Variants in PRRC2C observed in about 807,000 individuals in gnomAD.
PRRC2C encodes proline rich coiled-coil 2C, also known as protein PRRC2C.
A neutral mutation model predicts 317.2 loss-of-function variants in PRRC2C; 72 were observed. That is an observed-to-expected ratio of 0.23 (90% CI 0.19 to 0.28). The LOEUF (loss-of-function observed/expected upper bound fraction) is 0.28. Ranked by LOEUF, PRRC2C falls within the 10% of genes least tolerant of loss-of-function variation. The pLI, the probability that PRRC2C is intolerant of heterozygous loss-of-function variation, is 1.00. For synonymous variants in PRRC2C, 1,296 were observed against 1,205.9 expected (o/e 1.07, Z -1.55); for missense variants, 3,074 against 3,459.7 (o/e 0.89, Z 2.80).
At chr1:171,523,118 AGAAAAC>A (rs1309698703) in intron 7 of PRRC2C, 97 bp from the exon 8 acceptor site, 32 of 1,090,828 alleles carry the variant, frequency 2.9e-5, no homozygotes, top group Non-Finnish European at 4.0e-5. Flanking sequence ...ATCTTGGTGT[AGAAAAC>A]ACTAATGTTG....
chr1:171,511,692 G>A (rs1266955056), intron 1 of PRRC2C: 3 of 155,958 alleles, frequency 1.9e-5, no homozygotes, highest in East Asian at 3.8e-4. Flanking sequence ...ATAGGTTGAT[G>A]TGTCAGTCAT....
chr1:171,511,850 T>C (rs1671451164), intron 1 of PRRC2C, 182 bp from the exon 2 acceptor site: 4 of 335,812 alleles, frequency 1.2e-5, no homozygotes. Flanking sequence ...ATAACTGATA[T>C]GTTTCACAAG....
At chr1:171,543,651 T>C (rs1678450422) in intron 16 of PRRC2C, among the ~76,000 whole-genome samples, 1 of 152,244 alleles carries the variant, frequency 6.6e-6, no homozygotes, top group Non-Finnish European at 1.5e-5. Context: ...TTGGACTGTA[T>C]GGTATTAATC....
Position 171,557,934 on chromosome 1 carries a change from C to T in PRRC2C, c.5822C>T (p.Pro1941Leu), listed in dbSNP as rs776044354. ...CAGACTCAGGCACAGACCCACAAACCAGTCCAGAATCCACTACAGACTACA... is the reference window on the plus strand; with the variant it reads ...CAGACTCAGGCACAGACCCACAAACTAGTCCAGAATCCACTACAGACTACA... ...PAQTQAQTHKPVQNPLQTTSQ... is the reference protein window; with the variant it reads ...PAQTQAQTHKLVQNPLQTTSQ... The change falls in exon 19 of 35, where the codon CCA becomes CTA. Residue 1941 changes from proline to leucine, a missense_variant. Physicochemically the swap from Pro to Leu is moderately conservative, Grantham distance 98 (BLOSUM62 -3). This residue lies in a region of PRRC2C where 640 missense variants were observed against 676.1 expected (regional missense o/e 0.95). Transcript: ENST00000647382. 1 of 1,592,072 alleles carries T rather than the reference C, an allele frequency of 6.3e-7. No homozygotes were observed. The highest frequency in any genetic ancestry group is 1.1e-5 in the South Asian group (1 of 88,210).
intron 3 of PRRC2C, 85 bp from the exon 4 acceptor site, chr1:171,514,451 T>C: frequency 9.5e-7 from 1 of 1,057,228 alleles, no homozygotes; most frequent in Non-Finnish European, 1.3e-6. Context: ...CCAAAATAAT[T>C]TGTACACAGG....
Position 171,587,196 on chromosome 1 carries a change from A to T in PRRC2C, c.7943A>T (p.His2648Leu). The T allele has an allele frequency of 6.2e-7, 1 of 1,606,122 alleles. No homozygotes were observed. Among genetic ancestry groups the T allele is most frequent in the Non-Finnish European group, 8.5e-7 (1 of 1,176,106 alleles). ...GGATTAATTCCTGCTGGAACACAGC[A>T]TAGCATGATTGCAACCACAGGAAAA... ...FRGLIPAGTQ[H>L]SMIATTGKMS... Residue 2648 changes from histidine (H) to leucine (L), a missense_variant, in exon 31 of 35, where the codon CAT (histidine) becomes CTT (leucine). His to Leu is a moderately conservative substitution (Grantham distance 99). Coordinates refer to ENST00000647382, the MANE Select transcript of PRRC2C (RefSeq NM_001387844.1).
At position 171,489,395 on chromosome 1, in the gene PRRC2C, TC is replaced by T. The variant is rs1282018604; in HGVS notation, c.-58+3663del. Among the ~76,000 whole-genome samples, 5 of 152,226 alleles carry T rather than the reference TC, an allele frequency of 3.3e-5. No individual in the cohort carries two copies. In the East Asian group the frequency reaches 9.6e-4, roughly 29 times the overall value. ...CAGAGCAATATGGCATTTGGTCCAC[TC>T]CCAAGGTGTTCACAGCCTTAAGGAT... On this transcript the variant is annotated intron_variant, in intron 1 of 34. Coordinates refer to ENST00000647382, the MANE Select transcript of PRRC2C (RefSeq NM_001387844.1).
At chr1:171,557,026 T>A (rs547807767) in intron 18 of PRRC2C, among the ~76,000 whole-genome samples, 1 of 152,350 alleles carries the variant, frequency 6.6e-6, no homozygotes, top group South Asian at 2.1e-4. Context: ...TACCTGTATG[T>A]CAAGAATGTA....
intron 25 of PRRC2C, among the ~76,000 whole-genome samples, chr1:171,576,209 G>T (rs187171361): frequency 6.6e-6 from 1 of 152,208 alleles, no homozygotes; most frequent in East Asian, 1.9e-4. Flanking sequence ...GGATGGGGGG[G>T]TTAGTGAAGG....
intron 1 of PRRC2C, among the ~76,000 whole-genome samples, chr1:171,508,165 C>T (rs893258120): frequency 1.3e-5 from 2 of 152,100 alleles, no homozygotes; most frequent in African/African-American, 4.8e-5. Flanking sequence ...TGTTGCTAGT[C>T]CTTCCAGCAC....
chr1:171,556,253 G>C (rs776866040), intron 18 of PRRC2C, among the ~76,000 whole-genome samples: 43 of 152,234 alleles, frequency 2.8e-4, no homozygotes, highest in Non-Finnish European at 3.5e-4. Flanking sequence ...ATAATCTCCT[G>C]GTGTGCCGTT....
chr1:171,542,292 T>C, intron 16 of PRRC2C, 63 bp downstream of exon 16: 1 of 1,361,282 alleles, frequency 7.3e-7, no homozygotes, highest in Non-Finnish European at 9.8e-7. Context: ...AGTAGAGTTC[T>C]TGGTTGAATT....
intron 18 of PRRC2C, 37 bp from the exon 19 acceptor site, chr1:171,557,203 C>A (rs1681623340): frequency 1.3e-6 from 2 of 1,509,256 alleles, no homozygotes; most frequent in Non-Finnish European, 1.8e-6. Context: ...CATTCAGCTG[C>A]ATTATTGACA....
At chr1:171,519,413 T>A (rs1053732196) in intron 6 of PRRC2C, among the ~76,000 whole-genome samples, 6 of 152,238 alleles carry the variant, frequency 3.9e-5, no homozygotes, top group African/African-American at 1.4e-4. Context: ...ATATTTCTTT[T>A]AAGAATCTTG....
chr1:171,497,117 T>C (rs183760038), intron 1 of PRRC2C, among the ~76,000 whole-genome samples: 1 of 152,344 alleles, frequency 6.6e-6, no homozygotes, highest in African/African-American at 2.4e-5. Context: ...GAGATGTTGC[T>C]ATGTTTTGTT....
Position 171,577,654 on chromosome 1 carries a change from T to C in PRRC2C, c.7159+17T>C. 1 of 1,597,968 alleles carries C rather than the reference T, an allele frequency of 6.3e-7. No homozygotes were observed. Among genetic ancestry groups the C allele is most frequent in the Non-Finnish European group, 8.6e-7 (1 of 1,165,738 alleles). On this transcript the variant is annotated intron_variant, in intron 26 of 34. Transcript: ENST00000647382. ...CTGCAGCAGGTAATGTTTTTAGGCTTGAATATAAGGAATTTAGAAAATGAA... is the reference window on the plus strand; with the variant it reads ...CTGCAGCAGGTAATGTTTTTAGGCTCGAATATAAGGAATTTAGAAAATGAA...
At chr1:171,537,797 C>T (rs1014859156) in intron 15 of PRRC2C, among the ~76,000 whole-genome samples, 5 of 152,146 alleles carry the variant, frequency 3.3e-5, no homozygotes, top group Admixed American at 6.5e-5. Context: ...CGTTCACCTC[C>T]CAGGCTCAAG....
In PRRC2C at chr1:171,519,640, G is replaced by A. The variant is rs191357269; in HGVS notation, c.750+1826G>A. Among the ~76,000 whole-genome samples the A allele has an allele frequency of 4.6e-5, 7 of 151,604 alleles. No individual in the cohort carries two copies. In the East Asian group the frequency reaches 1.2e-3, roughly 25 times the overall value. ...TTGTTTACTTTCAGCCCAATGTGAA[G>A]TTGTAAAACAAGTCACATGTGCCTG... On this transcript the variant is annotated intron_variant, in intron 6 of 34. Transcript: ENST00000647382.
At chr1:171,522,058 T>A (rs1673677872) in intron 6 of PRRC2C, 119 bp from the exon 7 acceptor site, 2 of 431,486 alleles carry the variant, frequency 4.6e-6, no homozygotes, top group Non-Finnish European at 8.0e-6. Context: ...TTTTATTCAC[T>A]TAAATCATTG....
Sources: gnomAD v4.1 joint callset for allele counts (sites outside exome capture counted in the v4.1 genomes callset) on GRCh38, gnomAD v4.1.1 for gene constraint, gnomAD v4.1.1 regional missense constraint, MANE v1.5 for transcripts, NCBI Gene and HGNC (gene_info 2026-07-23, HGNC 2026-07-21) for gene names.